Variants in PALS2 observed in about 807,000 individuals in gnomAD.
PALS2 encodes protein associated with LIN7 2, MAGUK p55 family member.
A neutral mutation model predicts 61.6 loss-of-function variants in PALS2; 27 were observed. That is an observed-to-expected ratio of 0.44 (90% confidence interval 0.32 to 0.60). PALS2 has a LOEUF of 0.60. PALS2 is among the 20% of genes least tolerant of loss of function. The pLI is 0.05. For synonymous variants in PALS2, 236 were observed against 218.6 expected (o/e 1.08, Z -0.70); for missense variants, 554 against 639.4 (o/e 0.87, Z 1.44).
chr7:24,680,698 C>T (rs996986812), intron 11 of PALS2, among the ~76,000 whole-genome samples, 178 bp downstream of exon 11: 4 of 152,202 alleles, frequency 2.6e-5, no homozygotes, highest in African/African-American at 7.2e-5. Context: ...CGGGTTCAAG[C>T]GATTCTCCTG....
At chr7:24,686,064 C>T (rs1278016820) in intron 11 of PALS2, among the ~76,000 whole-genome samples, 1 of 152,172 alleles carries the variant, frequency 6.6e-6, no homozygotes, top group Non-Finnish European at 1.5e-5. Flanking sequence ...ATTATGCTCT[C>T]CCTACCCCTC....
chr7:24,623,777 T>G lies in PALS2; in HGVS notation c.110T>G (p.Leu37Arg). ...ATGGAGAATCCTATTGTAAAATCAC[T>G]TGCTAAGGTATATAGATTTATTCAT... ...GIMENPIVKSLAKAHERLEDS... is the reference protein window; with the variant it reads ...GIMENPIVKSRAKAHERLEDS... The change falls in exon 2 of 12, where the codon CTT becomes CGT. Residue 37 changes from leucine to arginine, a missense_variant. By Grantham distance (102) the Leu-to-Arg change is moderately radical. Transcript: ENST00000222644. The G allele has an allele frequency of 6.5e-7, 1 of 1,544,880 alleles. No homozygotes were observed. Among genetic ancestry groups the G allele is most frequent in the African/African-American group, 1.4e-5 (1 of 72,616 alleles).
intron 11 of PALS2, among the ~76,000 whole-genome samples, chr7:24,683,480 A>G (rs930116332): frequency 6.7e-6 from 1 of 149,148 alleles, no homozygotes; most frequent in Non-Finnish European, 1.5e-5. Flanking sequence ...AGATTGTCCC[A>G]TCATTGACCA....
chr7:24,614,882 T>A (rs1249034297), intron 1 of PALS2, among the ~76,000 whole-genome samples: 1 of 151,866 alleles, frequency 6.6e-6, no homozygotes, highest in Non-Finnish European at 1.5e-5. Flanking sequence ...CCAACCACAT[T>A]TATGACCATA....
intron 1 of PALS2, among the ~76,000 whole-genome samples, chr7:24,588,626 A>C (rs1783165042): frequency 6.6e-6 from 1 of 152,184 alleles, no homozygotes; most frequent in Non-Finnish European, 1.5e-5. Flanking sequence ...TAAGGGAAAA[A>C]CTATCTTGGA....
chr7:24,620,141 A>G (rs1034067824), intron 1 of PALS2: 10 of 152,224 alleles, frequency 6.6e-5, no homozygotes, highest in Non-Finnish European at 1.5e-4. Flanking sequence ...AAGGACAGCC[A>G]TTTCCATTTT....
At chr7:24,620,914 T>A (rs915276728) in intron 1 of PALS2, among the ~76,000 whole-genome samples, 2 of 152,156 alleles carry the variant, frequency 1.3e-5, no homozygotes, top group African/African-American at 4.8e-5. Context: ...GTTTATTATA[T>A]TATTCTGTTT....
At chr7:24,668,089 C>T (rs1787122055) in intron 8 of PALS2, among the ~76,000 whole-genome samples, 2 of 151,814 alleles carry the variant, frequency 1.3e-5, no homozygotes, top group Admixed American at 6.6e-5. Flanking sequence ...GAGACTGAGG[C>T]AGCAGGATCA....
chr7:24,676,851 T>C (rs575192791), intron 9 of PALS2, among the ~76,000 whole-genome samples: 5 of 151,032 alleles, frequency 3.3e-5, no homozygotes, highest in African/African-American at 1.2e-4. Context: ...ATTGACTTGG[T>C]GATGCAGGCT....
At chr7:24,681,400 T>C (rs1056599995) in intron 11 of PALS2, among the ~76,000 whole-genome samples, 4 of 152,214 alleles carry the variant, frequency 2.6e-5, no homozygotes, top group South Asian at 2.1e-4. Flanking sequence ...TCATGTCATC[T>C]GTAAATACTT....
chr7:24,634,047 T>G (rs1232129017), intron 2 of PALS2, among the ~76,000 whole-genome samples: 2 of 152,180 alleles, frequency 1.3e-5, no homozygotes, highest in African/African-American at 4.8e-5. Flanking sequence ...CTGTTTAGAT[T>G]CTTTGCCCAT....
intron 1 of PALS2, among the ~76,000 whole-genome samples, chr7:24,604,219 G>GAAA (rs58169190): frequency 4.6e-5 from 4 of 86,108 alleles, no homozygotes; most frequent in Non-Finnish European, 5.3e-5. Flanking sequence ...TTCAAGAAAA[G>GAAA]AAAAAAAAAA....
At position 24,658,560 on chromosome 7, in the gene PALS2, CTTTT is replaced by C. The variant is rs35030453; in HGVS notation, c.652-5018_652-5015del. ...GAAATATTCTTTTTTTTTCTTCCAA[CTTTT>C]TTTTTTTTTTTGAGACAGAGTCTCG... On this transcript the variant is annotated intron_variant, in intron 5 of 11. Transcript: ENST00000222644. Among the ~76,000 whole-genome samples, 7 of 135,070 alleles carry C rather than the reference CTTTT, an allele frequency of 5.2e-5. No individual in the cohort carries two copies. The South Asian group carries it at 1.7e-3, about 33-fold the overall frequency. The allele number at this position is 135,070 out of a possible 152,430, so 88.6% of individuals were successfully genotyped here.
At position 24,633,064 on chromosome 7, in the gene PALS2, A is replaced by G. The variant is rs539265773; in HGVS notation, c.118-8652A>G. Among the ~76,000 whole-genome samples, 10 of 152,308 alleles carry G rather than the reference A, an allele frequency of 6.6e-5. No individual in the cohort carries two copies. In the South Asian group the frequency reaches 2.1e-3, roughly 32 times the overall value. Reference sequence around the variant, plus strand: ...TGCCATTCATTTATTCATAAGCTATAATAATCAAATACATTGTTGTGAATA... The same window carrying G: ...TGCCATTCATTTATTCATAAGCTATGATAATCAAATACATTGTTGTGAATA... On this transcript the variant is annotated intron_variant, in intron 2 of 11. Transcript: ENST00000222644.
chr7:24,586,877 T>G (rs1016869567), intron 1 of PALS2, among the ~76,000 whole-genome samples: 2 of 152,104 alleles, frequency 1.3e-5, no homozygotes, highest in Non-Finnish European at 2.9e-5. Flanking sequence ...AAATTCACCA[T>G]GACAAACCAA....
At chr7:24,610,066 A>C (rs549201865) in intron 1 of PALS2, among the ~76,000 whole-genome samples, 33 of 152,134 alleles carry the variant, frequency 2.2e-4, no homozygotes, top group Non-Finnish European at 3.4e-4. Flanking sequence ...CACCCCACCA[A>C]ACCCATCAAA....
At chr7:24,661,331 G>GA (rs577738040) in intron 5 of PALS2, among the ~76,000 whole-genome samples, 1,654 of 142,288 alleles carry the variant, frequency 0.012, 13 homozygotes, top group South Asian at 0.019. Context: ...TTTAATTAAT[G>GA]AAAAAAAAAA....
At chr7:24,577,685 C>T (rs1175757164) in intron 1 of PALS2, among the ~76,000 whole-genome samples, 1 of 152,048 alleles carries the variant, frequency 6.6e-6, no homozygotes, top group South Asian at 2.1e-4. Context: ...GTTGGGAACT[C>T]TTCCTAAATC....
intron 11 of PALS2, among the ~76,000 whole-genome samples, chr7:24,680,848 G>A (rs901236695): frequency 3.3e-5 from 5 of 152,064 alleles, no homozygotes; most frequent in South Asian, 2.1e-4. Context: ...TGCCCACCTC[G>A]GCCTCCCAAA....
Sources: gnomAD v4.1 joint callset for allele counts (sites outside exome capture counted in the v4.1 genomes callset) on GRCh38, gnomAD v4.1.1 for gene constraint, MANE v1.5 for transcripts, NCBI Gene and HGNC (gene_info 2026-07-23, HGNC 2026-07-21) for gene names.